Variants in CIMAP1D observed in about 807,000 individuals in gnomAD.
CIMAP1D encodes protein CIMAP1D.
the CIMAP1D span, among the ~76,000 whole-genome samples, chr19:478,784 G>A: frequency 6.6e-6 from 1 of 152,268 alleles, no homozygotes; most frequent in East Asian, 1.9e-4. Flanking sequence ...TGCAGGCGAG[G>A]GACGTCACTG....
chr19:485,764 A>ACCTGCTG, the CIMAP1D span, among the ~76,000 whole-genome samples: 1 of 152,206 alleles, frequency 6.6e-6, no homozygotes, highest in South Asian at 2.1e-4. Context: ...TCCTCCGATG[A>ACCTGCTG]CCTGCTGTTT....
At chr19:465,127 A>AG in the CIMAP1D span, among the ~76,000 whole-genome samples, 1 of 47,218 alleles carries the variant, frequency 2.1e-5, no homozygotes, top group Non-Finnish European at 4.5e-5. Context: ...GGATGGGTTG[A>AG]TGAGTGGATG....
At chr19:488,281 G>C in the CIMAP1D span, among the ~76,000 whole-genome samples, 6 of 151,876 alleles carry the variant, frequency 4.0e-5, no homozygotes, top group South Asian at 8.3e-4. Context: ...CCAGCTCCTC[G>C]GGAGGCTGAG....
chr19:489,569 C>G, the CIMAP1D span: 2 of 154,988 alleles, frequency 1.3e-5, no homozygotes, highest in South Asian at 4.1e-4. Context: ...CCTCCCCGAC[C>G]GTGCTCGATC....
At chr19:481,432 T>TGATGGAGAAGGAG in the CIMAP1D span, among the ~76,000 whole-genome samples, 1 of 87,924 alleles carries the variant, frequency 1.1e-5, no homozygotes, top group African/African-American at 4.9e-5. Flanking sequence ...TGGAGAAGGA[T>TGATGGAGAAGGAG]GATGGGGAAG....
chr19:473,537 G>A, the CIMAP1D span, among the ~76,000 whole-genome samples: 5 of 27,706 alleles, frequency 1.8e-4, no homozygotes, highest in Admixed American at 4.5e-4. Context: ...CAGATGGGGA[G>A]ACTGAGGCCC....
the CIMAP1D span, among the ~76,000 whole-genome samples, chr19:470,128 G>A: frequency 1.3e-5 from 2 of 151,874 alleles, no homozygotes; most frequent in South Asian, 2.1e-4. Flanking sequence ...GCCTCCCCAC[G>A]CTGTCTCGGG....
At chr19:463,835 A>AGGCCTGGCCTAGCAGCAGC in the CIMAP1D span, 89 of 1,604,034 alleles carry the variant, frequency 5.5e-5, 1 homozygote, top group South Asian at 8.6e-4. Context: ...TGTGGGAAAC[A>AGGCCTGGCCTAGCAGCAGC]GGCCTGGCCT....
the CIMAP1D span, among the ~76,000 whole-genome samples, chr19:486,897 G>A: frequency 6.6e-6 from 1 of 151,978 alleles, no homozygotes; most frequent in Non-Finnish European, 1.5e-5. Flanking sequence ...CTGGGCGACA[G>A]AGCAAGACTC....
At chr19:487,907 G>C in the CIMAP1D span, among the ~76,000 whole-genome samples, 1 of 152,178 alleles carries the variant, frequency 6.6e-6, no homozygotes, top group African/African-American at 2.4e-5. Flanking sequence ...GACCTACTGG[G>C]TTACGTTATC....
chr19:475,776 ATTTT>A, the CIMAP1D span, among the ~76,000 whole-genome samples: 1 of 138,614 alleles, frequency 7.2e-6, no homozygotes. Context: ...TTGCAGTGTA[ATTTT>A]TTTTTTTTTT....
At chr19:480,516 G>A in the CIMAP1D span, among the ~76,000 whole-genome samples, 10,354 of 70,870 alleles carry the variant, frequency 0.15, 1,413 homozygotes, top group African/African-American at 0.37. Flanking sequence ...AGGATGATGG[G>A]GAAGGATGAT....
At chr19:491,580 C>A in the CIMAP1D span, among the ~76,000 whole-genome samples, 1 of 151,936 alleles carries the variant, frequency 6.6e-6, no homozygotes. Flanking sequence ...GGCGTCAGAG[C>A]AGCTGACCAG....
At chr19:490,969 G>C in the CIMAP1D span, among the ~76,000 whole-genome samples, 1 of 152,308 alleles carries the variant, frequency 6.6e-6, no homozygotes, top group East Asian at 1.9e-4. Flanking sequence ...CGTGGTGGCA[G>C]GCGCCTGTAG....
chr19:471,711 A>G, the CIMAP1D span, among the ~76,000 whole-genome samples: 1 of 149,340 alleles, frequency 6.7e-6, no homozygotes, highest in Admixed American at 7.0e-5. Context: ...TTTTTAATAT[A>G]ATGTTAATGT....
At chr19:480,153 C>G in the CIMAP1D span, among the ~76,000 whole-genome samples, 1 of 152,352 alleles carries the variant, frequency 6.6e-6, no homozygotes, top group South Asian at 2.1e-4. Context: ...CTGACAGGAA[C>G]TGCACGCACA....
the CIMAP1D span, chr19:463,516 T>G: frequency 1.2e-5 from 5 of 400,742 alleles, no homozygotes; most frequent in Admixed American, 4.4e-5. Context: ...GGACGCCGAG[T>G]TCTGGGACAC....
the CIMAP1D span, among the ~76,000 whole-genome samples, chr19:465,542 G>A: frequency 6.7e-6 from 1 of 148,808 alleles, no homozygotes; most frequent in Non-Finnish European, 1.5e-5. Flanking sequence ...TGGGTAGGTG[G>A]GTGGATGGAT....
At chr19:468,157 G>C in the CIMAP1D span, among the ~76,000 whole-genome samples, 7 of 152,206 alleles carry the variant, frequency 4.6e-5, no homozygotes, top group African/African-American at 1.7e-4. Flanking sequence ...CTTGAGCTCA[G>C]GACTTTGAGA....
Sources: gnomAD v4.1 joint callset for allele counts (sites outside exome capture counted in the v4.1 genomes callset) on GRCh38, gnomAD v4.1.1 for gene constraint, MANE v1.5 for transcripts, NCBI Gene and HGNC (gene_info 2026-07-23, HGNC 2026-07-21) for gene names.